DNAH11: variants seen among roughly 807,000 people sequenced by gnomAD.
DNAH11 encodes dynein axonemal heavy chain 11.
In DNAH11, 442 loss-of-function variants were observed where a neutral mutation model predicts 526.0. The ratio of observed to expected loss-of-function variants is 0.84; its 90% CI spans 0.78 to 0.91. DNAH11 has a LOEUF of 0.91. DNAH11 is among the 40% of genes least tolerant of loss of function. The probability of loss-of-function intolerance (pLI) is 0.00; values close to 1 mark genes in which losing one functional copy is unlikely to be tolerated. For missense variants in DNAH11, 6,989 were observed against 5,448.7 expected (o/e 1.28, Z -8.90); for synonymous variants, 2,461 against 1,935.9 (o/e 1.27, Z -7.12).
chr7:21,623,402 T>C (rs1266435602), intron 25 of DNAH11, among the ~76,000 whole-genome samples: 2 of 152,226 alleles, frequency 1.3e-5, no homozygotes, highest in Non-Finnish European at 2.9e-5. Flanking sequence ...TGGAAGTCAG[T>C]GTGGCAATTC....
chr7:21,884,647 G>A (rs527688299), intron 76 of DNAH11, among the ~76,000 whole-genome samples: 10 of 152,230 alleles, frequency 6.6e-5, no homozygotes, highest in Middle Eastern at 3.4e-3. Context: ...GTGCACCAGC[G>A]TGAGGCAGCC....
intron 61 of DNAH11, among the ~76,000 whole-genome samples, chr7:21,791,994 A>C (rs1327584249): frequency 6.6e-6 from 1 of 152,156 alleles, no homozygotes; most frequent in African/African-American, 2.4e-5. Context: ...GCCTCAGGAA[A>C]CTTTCAACCA....
rs1562488853 is a variant in DNAH11 at position 21,683,833 on chromosome 7, G to C, written c.5510G>C (p.Trp1837Ser). 6.2e-7 allele frequency: 1 copy of C among 1,612,888 alleles called. No homozygotes were observed. The highest frequency in any genetic ancestry group is 8.5e-7 in the Non-Finnish European group (1 of 1,179,428). ...TGGCTGTCTCAACTTCGTCACCGAT[G>C]GGAGGATACCCAGAAACACTGCTTT... is the stretch of plus-strand genomic sequence containing the variant. ...FTWLSQLRHR[W>S]EDTQKHCFVN... The change falls in exon 32 of 82, where the codon TGG becomes TCG. Residue 1837 changes from tryptophan (W) to serine (S), a missense_variant. By Grantham distance (177) the Trp-to-Ser change is radical. Coordinates refer to ENST00000409508, the MANE Select transcript of DNAH11 (RefSeq NM_001277115.2).
chr7:21,776,264 G>A (rs1485405093), intron 56 of DNAH11, among the ~76,000 whole-genome samples: 2 of 152,194 alleles, frequency 1.3e-5, no homozygotes, highest in African/African-American at 4.8e-5. Flanking sequence ...TGGAAAGACT[G>A]ACGGTGATTT....
At chr7:21,621,079 C>T (rs1786030994) in intron 25 of DNAH11, among the ~76,000 whole-genome samples, 1 of 151,998 alleles carries the variant, frequency 6.6e-6, no homozygotes, top group Non-Finnish European at 1.5e-5. Flanking sequence ...GGTGTATACC[C>T]AGTAATGGGA....
chr7:21,658,476 T>A (rs1782112001), intron 29 of DNAH11, among the ~76,000 whole-genome samples: 1 of 152,188 alleles, frequency 6.6e-6, no homozygotes, highest in Non-Finnish European at 1.5e-5. Flanking sequence ...AATCTTGGTC[T>A]AGAACCTCCT....
rs111471486 is a variant in DNAH11 at position 21,748,565 on chromosome 7, G to A, written c.8511-15G>A. ...TTTTCGATTTTGTGCCATAATGGGC[G>A]CTTCCTTTCCTCAGGTGTCGCATCA... On this transcript the variant is annotated splice_polypyrimidine_tract_variant and intron_variant, in intron 51 of 81. Coordinates refer to ENST00000409508, the MANE Select transcript of DNAH11 (RefSeq NM_001277115.2). 47 of 1,483,042 alleles carry A rather than the reference G, an allele frequency of 3.2e-5. No homozygotes were observed. The highest frequency in any genetic ancestry group is 3.6e-4 in the Middle Eastern group (2 of 5,546). 91.9% of individuals were successfully genotyped at this position (1,483,042 alleles called of 1,614,324 possible).
chr7:21,593,113 C>G (rs1784746212), intron 14 of DNAH11, among the ~76,000 whole-genome samples: 1 of 152,058 alleles, frequency 6.6e-6, no homozygotes, highest in South Asian at 2.1e-4. Flanking sequence ...GCCTCGAAGT[C>G]CTCCCTAGGT....
intron 2 of DNAH11, among the ~76,000 whole-genome samples, chr7:21,553,972 T>C (rs1783119822): frequency 2.0e-5 from 3 of 152,148 alleles, no homozygotes; most frequent in Admixed American, 2.0e-4. Flanking sequence ...GGCCTTGCCC[T>C]ACTGGGTCCT....
At chr7:21,602,602 C>T (rs1238580979) in intron 18 of DNAH11, among the ~76,000 whole-genome samples, 1 of 146,754 alleles carries the variant, frequency 6.8e-6, no homozygotes, top group African/African-American at 2.6e-5. Flanking sequence ...TGTGTGTGTA[C>T]ACACATGTAC....
chr7:21,879,756 G>GAGTTA (rs1783845627), intron 74 of DNAH11, among the ~76,000 whole-genome samples: 1 of 152,044 alleles, frequency 6.6e-6, no homozygotes, highest in Admixed American at 6.6e-5. Context: ...AAGTTTTCCA[G>GAGTTA]ACTTGACCAA....
At chr7:21,544,961 T>C in intron 1 of DNAH11, 45 bp from the exon 2 acceptor site, 2 of 1,491,710 alleles carry the variant, frequency 1.3e-6, no homozygotes, top group East Asian at 4.8e-5. Context: ...ATCCTGCTTG[T>C]TAACAAGAAA....
chr7:21,881,869 T>C (rs959762239), intron 75 of DNAH11, among the ~76,000 whole-genome samples: 2 of 152,194 alleles, frequency 1.3e-5, no homozygotes, highest in Admixed American at 1.3e-4. Flanking sequence ...ATAAGTTGTA[T>C]CCAAAATAAA....
intron 25 of DNAH11, among the ~76,000 whole-genome samples, chr7:21,628,391 A>G (rs569643480): frequency 1.4e-4 from 22 of 152,208 alleles, no homozygotes; most frequent in African/African-American, 1.9e-4. Flanking sequence ...AAGGCTATCA[A>G]ATTTTCCCCA....
At chr7:21,637,740 A>G in intron 27 of DNAH11, 38 bp downstream of exon 27, 1 of 1,305,784 alleles carries the variant, frequency 7.7e-7, no homozygotes, top group Non-Finnish European at 1.0e-6. Flanking sequence ...AATTTACTGT[A>G]ATTTTATGAA....
chr7:21,772,734 A>G (rs1240072976), intron 55 of DNAH11, among the ~76,000 whole-genome samples: 5 of 152,186 alleles, frequency 3.3e-5, no homozygotes, highest in South Asian at 4.1e-4. Flanking sequence ...GCACAATGCA[A>G]TATGTGGGTA....
intron 25 of DNAH11, among the ~76,000 whole-genome samples, chr7:21,630,656 C>A (rs1266080496): frequency 6.6e-6 from 1 of 152,170 alleles, no homozygotes; most frequent in African/African-American, 2.4e-5. Flanking sequence ...ATTCCACTTT[C>A]TACTGGCCTG....
At chr7:21,761,622 G>T (rs574000200) in intron 54 of DNAH11, among the ~76,000 whole-genome samples, 1 of 152,232 alleles carries the variant, frequency 6.6e-6, no homozygotes, top group East Asian at 1.9e-4. Flanking sequence ...GATTATTTAT[G>T]TCTGGAGTTG....
At chr7:21,862,069 A>T (rs541164426) in intron 69 of DNAH11, 46 bp downstream of exon 69, 1 of 1,541,374 alleles carries the variant, frequency 6.5e-7, no homozygotes, top group Non-Finnish European at 8.8e-7. Context: ...AACCAAAGGC[A>T]GATGCCTCTG....
Sources: allele counts gnomAD v4.1 joint callset (sites outside exome capture counted in the v4.1 genomes callset), GRCh38; gene constraint gnomAD v4.1.1; transcripts MANE v1.5; gene names NCBI Gene and HGNC (gene_info 2026-07-23, HGNC 2026-07-21).